Variants in GAP43 observed in about 807,000 individuals in gnomAD.
The protein encoded by GAP43 is neuromodulin.
A neutral mutation model predicts 18.6 loss-of-function variants in GAP43; 6 were observed. That is an observed-to-expected ratio of 0.32 (90% confidence interval 0.18 to 0.64). GAP43 has a LOEUF of 0.64. Ranked by LOEUF, GAP43 falls within the 30% of genes least tolerant of loss-of-function variation. The probability of loss-of-function intolerance (pLI) is 0.78; values close to 1 mark genes in which losing one functional copy is unlikely to be tolerated. For synonymous variants in GAP43, 115 were observed against 111.4 expected (o/e 1.03, Z -0.20); for missense variants, 292 against 295.5 (o/e 0.99, Z 0.09).
chr3:115,623,521 T>C lies in GAP43; in HGVS notation c.-169T>C. 4.2e-6 allele frequency: 3 copies of C among 706,632 alleles called. No homozygotes were observed. The highest frequency in any genetic ancestry group is 2.7e-5 in the East Asian group (1 of 37,026). The allele number at this position is 706,632 out of a possible 1,614,324, so 43.8% of individuals were successfully genotyped here. On this transcript the variant is annotated 5_prime_UTR_variant, in exon 1 of 3. Coordinates refer to ENST00000305124, the MANE Select transcript of GAP43 (RefSeq NM_002045.4). Reference sequence around the variant, plus strand: ...TAGCTGTGGACCTTACAGTTGCTGCTAACTGCCCTGGTGTGTGTGAGGGAG... The same window carrying C: ...TAGCTGTGGACCTTACAGTTGCTGCCAACTGCCCTGGTGTGTGTGAGGGAG...
chr3:115,661,736 C>T (rs1403847983), intron 1 of GAP43, among the ~76,000 whole-genome samples: 1 of 151,640 alleles, frequency 6.6e-6, no homozygotes, highest in Admixed American at 6.6e-5. Flanking sequence ...GATCCACCCG[C>T]CTCGGCCTCC....
chr3:115,640,923 TTC>T (rs1424024098), intron 1 of GAP43, among the ~76,000 whole-genome samples: 1 of 143,958 alleles, frequency 6.9e-6, no homozygotes, highest in Non-Finnish European at 1.5e-5. Context: ...CTTTCTTTCC[TTC>T]TTTTTTTCCT....
intron 2 of GAP43, among the ~76,000 whole-genome samples, chr3:115,699,738 T>C (rs1359548188): frequency 1.3e-5 from 2 of 152,210 alleles, no homozygotes; most frequent in Non-Finnish European, 2.9e-5. Context: ...TTGCTCTTTC[T>C]TCTTTAAGAA....
At chr3:115,716,717 AATATATATATATATATAT>A (rs3995850) in intron 2 of GAP43, among the ~76,000 whole-genome samples, 486 of 43,924 alleles carry the variant, frequency 0.011, 13 homozygotes, top group African/African-American at 0.027. Flanking sequence ...ATCTCAGACA[AATATATATATATATATAT>A]ATATATATAT....
rs965414117 is a variant in GAP43, at chr3:115,674,425, C to T, written c.31-1588C>T. On this transcript the variant is annotated intron_variant, in intron 1 of 2. Transcript: ENST00000305124. ...TCTTTCTATGACCATACCTGCTGTT[C>T]CTATCCTCTGAATTAATTTTCATGT... 2.6e-5 allele frequency among the ~76,000 whole-genome samples: 4 copies of T among 152,254 alleles called. No homozygotes were observed. The South Asian group carries it at 8.3e-4, about 32-fold the overall frequency.
chr3:115,644,848 A>G lies in GAP43; in HGVS notation c.30+21129A>G, dbSNP rs1708438707. On this transcript the variant is annotated intron_variant, in intron 1 of 2. Coordinates refer to ENST00000305124, the MANE Select transcript of GAP43 (RefSeq NM_002045.4). The surrounding 1 kb of genome is among the most constrained non-coding windows in gnomAD (Gnocchi z 4.2). ...CAAATCAAAACCCAATGCCCCTGGC[A>G]TTCTCAAAGCTGGATCATCAGAGGT... Among the ~76,000 whole-genome samples, 2 of 152,092 alleles carry G rather than the reference A, an allele frequency of 1.3e-5. No individual in the cohort carries two copies. Among genetic ancestry groups the G allele is most frequent in the Admixed American group, 1.3e-4 (2 of 15,252 alleles).
At chr3:115,635,066 T>C (rs982879858) in intron 1 of GAP43, among the ~76,000 whole-genome samples, 1 of 152,174 alleles carries the variant, frequency 6.6e-6, no homozygotes, top group Non-Finnish European at 1.5e-5. Context: ...ATTCTTTCTT[T>C]AGTAAAATCC....
chr3:115,687,669 G>T (rs907481979), intron 2 of GAP43, among the ~76,000 whole-genome samples: 1 of 152,086 alleles, frequency 6.6e-6, no homozygotes, highest in African/African-American at 2.4e-5. Context: ...ACAAGGATTG[G>T]GTTCCTAGGA....
intron 2 of GAP43, among the ~76,000 whole-genome samples, chr3:115,688,618 G>T (rs374101313): frequency 2.0e-5 from 3 of 152,106 alleles, no homozygotes; most frequent in African/African-American, 4.8e-5. Flanking sequence ...GTTGAAGCAC[G>T]TGCCCCAAAA....
rs1708528336 is a variant in GAP43, at chr3:115,652,353, ATTCTTTTTTTTTTTT to A, written c.31-23657_31-23643del. 6.9e-5 allele frequency among the ~76,000 whole-genome samples: 4 copies of A among 58,048 alleles called. No individual in the cohort carries two copies. The Admixed American group carries it at 9.0e-4, about 13-fold the overall frequency. The allele number at this position is 58,048 out of a possible 152,430, so 38.1% of individuals were successfully genotyped here. ...GTATTCCTGATGATTCTTATCCAGCATTCTTTTTTTTTTTTTTTTTTTTTTTTTTTTTGTGATAGA... is the reference window on the plus strand; with the variant it reads ...GTATTCCTGATGATTCTTATCCAGCATTTTTTTTTTTTTTTTTGTGATAGA... On this transcript the variant is annotated intron_variant, in intron 1 of 2. Transcript: ENST00000305124.
At chr3:115,673,031 C>T (rs1238754337) in intron 1 of GAP43, among the ~76,000 whole-genome samples, 1 of 152,070 alleles carries the variant, frequency 6.6e-6, no homozygotes, top group East Asian at 1.9e-4. Context: ...TTTCATGGTT[C>T]TCCCCGTTTC....
intron 2 of GAP43, 57 bp downstream of exon 2, chr3:115,676,667 G>A (rs889150266): frequency 3.6e-5 from 52 of 1,464,742 alleles, no homozygotes; most frequent in African/African-American, 8.5e-5. Flanking sequence ...GTTGCTATTC[G>A]GAAGACCAGG....
chr3:115,671,338 A>G (rs781236068), intron 1 of GAP43, among the ~76,000 whole-genome samples: 24 of 152,252 alleles, frequency 1.6e-4, no homozygotes, highest in Non-Finnish European at 2.6e-4. Flanking sequence ...TTAAATATCA[A>G]TTAAAATCAT....
At chr3:115,631,769 T>C (rs1708262237) in intron 1 of GAP43, among the ~76,000 whole-genome samples, 1 of 152,136 alleles carries the variant, frequency 6.6e-6, no homozygotes, top group Non-Finnish European at 1.5e-5. Context: ...TACAGTTGCA[T>C]GCCACCACGC....
chr3:115,667,825 C>G (rs1708753282), intron 1 of GAP43, among the ~76,000 whole-genome samples: 2 of 152,218 alleles, frequency 1.3e-5, no homozygotes, highest in Admixed American at 1.3e-4. Context: ...CACAGTCCCT[C>G]TCATGGACTG....
intron 2 of GAP43, among the ~76,000 whole-genome samples, chr3:115,682,451 C>A (rs1866314): frequency 0.065 from 9,838 of 152,122 alleles, 477 homozygotes; most frequent in South Asian, 0.13. Context: ...AGGTCTACCC[C>A]CCTTTGGCAA....
At chr3:115,657,523 G>A (rs1384024595) in intron 1 of GAP43, among the ~76,000 whole-genome samples, 1 of 152,152 alleles carries the variant, frequency 6.6e-6, no homozygotes, top group East Asian at 1.9e-4. Context: ...AGGAGCTGCT[G>A]TTAAAATGAC....
chr3:115,625,066 G>T (rs143841987), intron 1 of GAP43, among the ~76,000 whole-genome samples: 1 of 152,096 alleles, frequency 6.6e-6, no homozygotes, highest in East Asian at 1.9e-4. Flanking sequence ...GGAAGAGAGT[G>T]GAGAAGAAAC....
chr3:115,642,404 G>A (rs1044750548), intron 1 of GAP43, among the ~76,000 whole-genome samples: 1 of 148,932 alleles, frequency 6.7e-6, no homozygotes, highest in African/African-American at 2.5e-5. Flanking sequence ...TGGAAATACA[G>A]AATTTTTTTT....
Sources: gnomAD v4.1 joint callset for allele counts (sites outside exome capture counted in the v4.1 genomes callset) on GRCh38, gnomAD v4.1.1 for gene constraint, Gnocchi (gnomAD v3.1) non-coding constraint, MANE v1.5 for transcripts, NCBI Gene and HGNC (gene_info 2026-07-23, HGNC 2026-07-21) for gene names.